PALS2: variants seen among roughly 807,000 people sequenced by gnomAD.
PALS2 encodes protein PALS2.
Under a neutral mutation model 61.6 loss-of-function variants are expected in PALS2, and 27 were observed. That is an observed-to-expected ratio of 0.44 (90% CI 0.32 to 0.60). The LOEUF is 0.60. PALS2 is among the 20% of genes least tolerant of loss of function. PALS2 has a pLI of 0.05. For synonymous variants in PALS2, 236 were observed against 218.6 expected, an observed-to-expected ratio of 1.08 and a Z score of -0.70; for missense variants, 554 against 639.4, an observed-to-expected ratio of 0.87 and a Z score of 1.44.
chr7:24,643,309 G>A (rs903132255), intron 3 of PALS2, among the ~76,000 whole-genome samples: 1 of 152,058 alleles, frequency 6.6e-6, no homozygotes, highest in Admixed American at 6.6e-5. Context: ...ATTATATGAA[G>A]TGTAGCATAT....
intron 1 of PALS2, among the ~76,000 whole-genome samples, chr7:24,575,188 C>T (rs1175101779): frequency 6.6e-6 from 1 of 152,178 alleles, no homozygotes; most frequent in Non-Finnish European, 1.5e-5. Context: ...GGAGACTGCA[C>T]ACCATCTTTA....
At chr7:24,683,596 A>G (rs1788045172) in intron 11 of PALS2, among the ~76,000 whole-genome samples, 1 of 151,320 alleles carries the variant, frequency 6.6e-6, no homozygotes, top group Non-Finnish European at 1.5e-5. Flanking sequence ...TTCCAGGCTC[A>G]TCTTGTACAT....
chr7:24,651,378 G>C (rs752107406), intron 5 of PALS2, among the ~76,000 whole-genome samples: 15 of 152,128 alleles, frequency 9.9e-5, no homozygotes, highest in Non-Finnish European at 1.8e-4. Flanking sequence ...TGACCACTTA[G>C]GTTCAAATAC....
In PALS2 at chr7:24,666,149, G is replaced by C. The variant is rs1787005770; in HGVS notation, c.952+60G>C. ...AAGTAGCTATATGTCATTTAGTGTG[G>C]CATAAACTCTGAATATACAGCTTTA... On this transcript the variant is annotated intron_variant, in intron 8 of 11. Coordinates refer to ENST00000222644, the MANE Select transcript of PALS2 (RefSeq NM_001303037.2). 2.4e-5 allele frequency: 35 copies of C among 1,432,718 alleles called. No individual in the cohort carries two copies. The South Asian group carries it at 4.1e-4, about 17-fold the overall frequency. The allele number at this position is 1,432,718 out of a possible 1,614,324, so 88.8% of individuals were successfully genotyped here.
rs1463642932 is a variant in PALS2, at chr7:24,618,048, A to G, written c.-2-5618A>G. 6.6e-6 allele frequency among the ~76,000 whole-genome samples: 1 copy of G among 152,134 alleles called. No individual in the cohort carries two copies. The highest frequency in any genetic ancestry group is 2.4e-5 in the African/African-American group (1 of 41,432). On this transcript the variant is annotated intron_variant, in intron 1 of 11. Coordinates refer to ENST00000222644, the MANE Select transcript of PALS2 (RefSeq NM_001303037.2). This position sits in a 1 kb window ranked among gnomAD's most constrained non-coding sequence, Gnocchi z 5.1. Reference sequence around the variant, plus strand: ...TTGTTGAGTTCAGGCCTCCTGGAGTATCTTAGGGTGTAGGTGCCAATGTGG... The same window carrying G: ...TTGTTGAGTTCAGGCCTCCTGGAGTGTCTTAGGGTGTAGGTGCCAATGTGG...
chr7:24,629,759 A>C (rs1272008259), intron 2 of PALS2, among the ~76,000 whole-genome samples: 2 of 152,258 alleles, frequency 1.3e-5, no homozygotes, highest in African/African-American at 4.8e-5. Flanking sequence ...AGAGAAATGC[A>C]AATCAAAACT....
chr7:24,666,129 G>C, intron 8 of PALS2, 40 bp downstream of exon 8: 1 of 1,522,846 alleles, frequency 6.6e-7, no homozygotes, highest in East Asian at 2.3e-5. Flanking sequence ...AAGTGAAGTA[G>C]CTATATGTCA....
chr7:24,582,788 G>A (rs1013109731), intron 1 of PALS2, among the ~76,000 whole-genome samples: 1 of 150,492 alleles, frequency 6.6e-6, no homozygotes, highest in African/African-American at 2.4e-5. Context: ...CCAATAATTG[G>A]GTTTCTTATA....
In PALS2 at chr7:24,650,481, A is replaced by T. The variant is rs761727666; in HGVS notation, c.424-4A>T. The T allele has an allele frequency of 8.3e-6, 13 of 1,567,378 alleles. 1 individual carries two copies. In the East Asian group the frequency reaches 2.9e-4, roughly 36 times the overall value. ...ATGAGAAATCTGTTTCTTATTTTTC[A>T]TAGGGTGTGACATTTAGGGTTGAAA... On this transcript the variant is annotated splice_region_variant and splice_polypyrimidine_tract_variant and intron_variant, in intron 4 of 11. Coordinates refer to ENST00000222644, the MANE Select transcript of PALS2 (RefSeq NM_001303037.2).
chr7:24,656,268 G>A (rs1583958876), intron 5 of PALS2, among the ~76,000 whole-genome samples: 1 of 152,108 alleles, frequency 6.6e-6, no homozygotes, highest in Admixed American at 6.5e-5. Flanking sequence ...AGGTGGAGCT[G>A]TTTTTCTAGC....
intron 1 of PALS2, among the ~76,000 whole-genome samples, chr7:24,623,131 ATGT>A (rs964681580): frequency 4.1e-5 from 6 of 147,892 alleles, no homozygotes; most frequent in African/African-American, 9.9e-5. Flanking sequence ...TTTGTGTGTG[ATGT>A]TGTTGGGTTT....
intron 2 of PALS2, among the ~76,000 whole-genome samples, chr7:24,630,070 A>G (rs914040161): frequency 3.3e-5 from 5 of 152,206 alleles, no homozygotes; most frequent in African/African-American, 9.6e-5. Flanking sequence ...AAGACTTGGA[A>G]CCAACCCAAA....
intron 1 of PALS2, among the ~76,000 whole-genome samples, chr7:24,612,269 A>G (rs898077487): frequency 2.0e-5 from 3 of 151,850 alleles, no homozygotes; most frequent in African/African-American, 7.2e-5. Flanking sequence ...CCTTTATTGT[A>G]TATTGTTTCA....
chr7:24,656,444 A>G (rs1408800079), intron 5 of PALS2, among the ~76,000 whole-genome samples: 1 of 152,334 alleles, frequency 6.6e-6, no homozygotes, highest in East Asian at 1.9e-4. Context: ...AATTTGATAC[A>G]TGTGGACATA....
chr7:24,676,767 T>C (rs1413454000), intron 9 of PALS2, among the ~76,000 whole-genome samples: 8 of 151,176 alleles, frequency 5.3e-5, no homozygotes, highest in Non-Finnish European at 2.9e-5. Context: ...CATGCTGTTT[T>C]GGTTACTGTA....
intron 5 of PALS2, among the ~76,000 whole-genome samples, chr7:24,652,496 CTT>C (rs1786205957): frequency 6.6e-6 from 1 of 151,884 alleles, no homozygotes; most frequent in Non-Finnish European, 1.5e-5. Context: ...GAGGAGGAGT[CTT>C]ATAAGTCCGA....
At chr7:24,626,941 G>A (rs774736608) in intron 2 of PALS2, among the ~76,000 whole-genome samples, 28 of 152,198 alleles carry the variant, frequency 1.8e-4, no homozygotes, top group Non-Finnish European at 2.4e-4. Flanking sequence ...ACACCCCACC[G>A]TCAATATTAG....
At chr7:24,578,706 A>G (rs1473805412) in intron 1 of PALS2, among the ~76,000 whole-genome samples, 2 of 152,340 alleles carry the variant, frequency 1.3e-5, no homozygotes, top group South Asian at 2.1e-4. Context: ...TCCCTGTTCA[A>G]TAAACTATAT....
chr7:24,632,400 CTCTT>C (rs768752957), intron 2 of PALS2, among the ~76,000 whole-genome samples: 6 of 152,030 alleles, frequency 3.9e-5, no homozygotes, highest in Non-Finnish European at 8.8e-5. Context: ...CTCTGACAGT[CTCTT>C]TGTTTTTTTA....
Sources: gnomAD v4.1 joint callset for allele counts (sites outside exome capture counted in the v4.1 genomes callset) on GRCh38, gnomAD v4.1.1 for gene constraint, Gnocchi (gnomAD v3.1) non-coding constraint, MANE v1.5 for transcripts, NCBI Gene and HGNC (gene_info 2026-07-23, HGNC 2026-07-21) for gene names.